RNPEP: variants seen among roughly 807,000 people sequenced by gnomAD.
The protein encoded by RNPEP is arginyl aminopeptidase.
A neutral mutation model predicts 70.1 loss-of-function variants in RNPEP; 57 were observed. The observed-to-expected ratio is 0.81, with a 90% CI of 0.66 to 1.01. The LOEUF (loss-of-function observed/expected upper bound fraction) is 1.01, where lower values mean the gene tolerates loss of function less well. RNPEP is among the 50% of genes least tolerant of loss of function. The pLI, the probability that RNPEP is intolerant of heterozygous loss-of-function variation, is 0.00. For synonymous variants in RNPEP, 335 were observed against 357.4 expected (o/e 0.94, Z 0.71); for missense variants, 787 against 852.4 (o/e 0.92, Z 0.96).
Position 202,001,502 on chromosome 1 carries a change from A to AG in RNPEP, c.1317+18dup. On this transcript the variant is annotated intron_variant, in intron 7 of 10. Transcript: ENST00000295640. ...AGTTTTCTCAAGGTATAGTCACATG[A>AG]GGGGAGAAGGAAGAGGAGCGGATAA... is the stretch of plus-strand genomic sequence containing the variant. The AG allele has an allele frequency of 6.3e-7, 1 of 1,580,582 alleles. No homozygotes were observed. Among genetic ancestry groups the AG allele is most frequent in the Non-Finnish European group, 8.7e-7 (1 of 1,149,476 alleles).
chr1:201,987,949 T>C (rs1683189462), intron 1 of RNPEP, among the ~76,000 whole-genome samples: 1 of 151,542 alleles, frequency 6.6e-6, no homozygotes, highest in African/African-American at 2.4e-5. Flanking sequence ...AAGACCAGCC[T>C]GACCAACATG....
intron 2 of RNPEP, 96 bp downstream of exon 2, chr1:201,989,140 C>A: frequency 6.8e-7 from 1 of 1,460,190 alleles, no homozygotes; most frequent in Non-Finnish European, 9.3e-7. Flanking sequence ...ATTATTATAT[C>A]CATTCAGTGG....
rs767574806 is a variant in RNPEP, at chr1:202,001,493, A to G, written c.1317+5A>G. Reference sequence around the variant, plus strand: ...CAGTTTGACAGTTTTCTCAAGGTATAGTCACATGAGGGGAGAAGGAAGAGG... The same window carrying G: ...CAGTTTGACAGTTTTCTCAAGGTATGGTCACATGAGGGGAGAAGGAAGAGG... On this transcript the variant is annotated splice_donor_5th_base_variant and intron_variant, in intron 7 of 10. Transcript: ENST00000295640. The G allele has an allele frequency of 1.7e-5, 27 of 1,591,212 alleles. No homozygotes were observed. Among genetic ancestry groups the G allele is most frequent in the Non-Finnish European group, 2.3e-5 (27 of 1,159,262 alleles).
Position 201,992,701 on chromosome 1 carries a change from G to T in RNPEP, c.737+3170G>T, listed in dbSNP as rs372018581. Reference sequence around the variant, plus strand: ...CCCCAAAGCCCCTTGCCCACTTCCCGCTGCTATAATGTCCCAGTCCCTTGT... The same window carrying T: ...CCCCAAAGCCCCTTGCCCACTTCCCTCTGCTATAATGTCCCAGTCCCTTGT... On this transcript the variant is annotated intron_variant, in intron 3 of 10. Coordinates refer to ENST00000295640, the MANE Select transcript of RNPEP (RefSeq NM_020216.4). 2.0e-5 allele frequency among the ~76,000 whole-genome samples: 3 copies of T among 151,982 alleles called. No individual in the cohort carries two copies. In the South Asian group the frequency reaches 6.2e-4, roughly 32 times the overall value.
Position 202,004,512 on chromosome 1 carries a change from C to G in RNPEP, c.1794+16C>G, listed in dbSNP as rs577533152. On this transcript the variant is annotated intron_variant, in intron 10 of 10. Coordinates refer to ENST00000295640, the MANE Select transcript of RNPEP (RefSeq NM_020216.4). Reference sequence around the variant, plus strand: ...GCATAACCAGGTGGGTGACCCCTGCCTCGCTGTTCCCGAAAGCACACTGGG... The same window carrying G: ...GCATAACCAGGTGGGTGACCCCTGCGTCGCTGTTCCCGAAAGCACACTGGG... 9 of 1,611,738 alleles carry G rather than the reference C, an allele frequency of 5.6e-6. No homozygotes were observed. The Admixed American group carries it at 1.5e-4, about 27-fold the overall frequency.
intron 5 of RNPEP, among the ~76,000 whole-genome samples, chr1:201,998,431 A>T (rs1258426986): frequency 5.9e-5 from 9 of 152,022 alleles, no homozygotes; most frequent in Admixed American, 5.9e-4. Flanking sequence ...TTTTTAGTAG[A>T]GACAGGATTT....
intron 1 of RNPEP, chr1:201,983,322 T>A (rs889286089): frequency 7.3e-7 from 1 of 1,375,892 alleles, no homozygotes; most frequent in African/African-American, 1.5e-5. Flanking sequence ...CCTTCTGGAC[T>A]TCCTCCAGCC....
Position 202,004,374 on chromosome 1 carries a change from GAC to G in RNPEP, c.1676_1677del (p.Thr559IlefsTer22), listed in dbSNP as rs767217483. 39 of 1,614,132 alleles carry G rather than the reference GAC, an allele frequency of 2.4e-5. No homozygotes were observed. The highest frequency in any genetic ancestry group is 3.3e-5 in the Non-Finnish European group (39 of 1,180,016). On this transcript the variant is annotated frameshift_variant, in exon 10 of 11. Transcript: ENST00000295640. LOFTEE classifies it high-confidence loss of function. ...TCCAGGGAATGTGAAAAAACTTGGA[GAC>G]ACATACCCAAGTATCTCAAATGCCC... is the stretch of plus-strand genomic sequence containing the variant. ...LPPGNVKKLGDTYPSISNARN... is the reference protein window; with the variant it reads ...LPPGNVKKLGXTYPSISNARN...
Position 201,999,968 on chromosome 1 carries a change from C to G in RNPEP, c.1157C>G (p.Thr386Ser). ...CTGCTGCGTCAGCACATGGACATCA[C>G]TGGAGAGGAAAACCCACTCAACAAG... ...RALLRQHMDI[T>S]GEENPLNKLR... The change falls in exon 6 of 11, where the codon ACT becomes AGT. Residue 386 changes from threonine (T) to serine (S), a missense_variant. Physicochemically the swap from Thr to Ser is moderately conservative, Grantham distance 58. Transcript: ENST00000295640. 6.2e-7 allele frequency: 1 copy of G among 1,614,068 alleles called. No individual in the cohort carries two copies. The highest frequency in any genetic ancestry group is 1.1e-5 in the South Asian group (1 of 91,048).
chr1:201,986,729 A>C (rs1201134740), intron 1 of RNPEP, among the ~76,000 whole-genome samples: 2 of 151,678 alleles, frequency 1.3e-5, no homozygotes, highest in East Asian at 3.9e-4. Flanking sequence ...TAGTAGACAC[A>C]GGGTTTCACT....
chr1:202,001,719 T>C lies in RNPEP; in HGVS notation c.1378T>C (p.Leu460=). ...AGCCGATGACTTTCTGGACTTCTAC[T>C]TGGAATATTTCCCTGAGCTTAAGAA... ...ILADDFLDFY[L]EYFPELKKKR... is the part of the protein sequence containing the mutation. Residue 460 remains leucine (L), a synonymous_variant, in exon 8 of 11, where the codon TTG becomes CTG. Coordinates refer to ENST00000295640, the MANE Select transcript of RNPEP (RefSeq NM_020216.4). 6.2e-7 allele frequency: 1 copy of C among 1,613,364 alleles called. No homozygotes were observed. The highest frequency in any genetic ancestry group is 8.5e-7 in the Non-Finnish European group (1 of 1,179,326).
At chr1:201,988,433 G>T (rs1683205930) in intron 1 of RNPEP, among the ~76,000 whole-genome samples, 1 of 145,282 alleles carries the variant, frequency 6.9e-6, no homozygotes, top group Admixed American at 7.1e-5. Context: ...ACTCCAGCCT[G>T]GGCGACAGAG....
Position 201,989,371 on chromosome 1 carries a change from C to G in RNPEP, c.589-12C>G. 6.2e-7 allele frequency: 1 copy of G among 1,612,670 alleles called. No homozygotes were observed. Reference sequence around the variant, plus strand: ...CTCCAGGTAAAATCTCCTAAGCTTTCTCTGTTGTCAGGTCCCAGATGGCTT... The same window carrying G: ...CTCCAGGTAAAATCTCCTAAGCTTTGTCTGTTGTCAGGTCCCAGATGGCTT... On this transcript the variant is annotated splice_polypyrimidine_tract_variant and intron_variant, in intron 2 of 10. Coordinates refer to ENST00000295640, the MANE Select transcript of RNPEP (RefSeq NM_020216.4).
chr1:201,999,282 G>A (rs777118318), intron 5 of RNPEP, among the ~76,000 whole-genome samples: 7 of 151,242 alleles, frequency 4.6e-5, no homozygotes, highest in Admixed American at 6.6e-5. Context: ...GGTGGTTCAC[G>A]CTTGTAATCC....
chr1:202,000,295 T>G (rs947245598), intron 6 of RNPEP: 13 of 316,220 alleles, frequency 4.1e-5, no homozygotes, highest in African/African-American at 2.3e-4. Flanking sequence ...TCTTTCGCAT[T>G]CCTTCATGAT....
intron 1 of RNPEP, among the ~76,000 whole-genome samples, chr1:201,985,179 C>T (rs1330125957): frequency 4.4e-5 from 6 of 136,526 alleles, no homozygotes; most frequent in African/African-American, 1.4e-4. Flanking sequence ...GGTGACACAG[C>T]GAGGCTCCAT....
At chr1:201,988,845 T>G (rs1041150561) in intron 1 of RNPEP, 59 bp from the exon 2 acceptor site, 13 of 1,546,326 alleles carry the variant, frequency 8.4e-6, no homozygotes, top group Non-Finnish European at 1.1e-5. Flanking sequence ...CTCACTTCTC[T>G]GGCCAGACTG....
chr1:201,984,093 G>A (rs1683039343), intron 1 of RNPEP, among the ~76,000 whole-genome samples: 1 of 152,116 alleles, frequency 6.6e-6, no homozygotes, highest in African/African-American at 2.4e-5. Context: ...ACCACACCCG[G>A]CTAATTTTTG....
At chr1:201,996,376 TC>T in intron 4 of RNPEP, 113 bp downstream of exon 4, 1 of 770,084 alleles carries the variant, frequency 1.3e-6, no homozygotes, top group Non-Finnish European at 2.3e-6. Flanking sequence ...GTTTCCCTGA[TC>T]CCAGAAGTGA....
Sources: allele counts gnomAD v4.1 joint callset (sites outside exome capture counted in the v4.1 genomes callset), GRCh38; gene constraint gnomAD v4.1.1; transcripts MANE v1.5; gene names NCBI Gene and HGNC (gene_info 2026-07-23, HGNC 2026-07-21).